Variants in CEP89 observed in about 807,000 individuals in gnomAD.
The protein encoded by CEP89 is centrosomal protein 89.
In CEP89, 95 loss-of-function variants were observed where a neutral mutation model predicts 97.6. That is an observed-to-expected ratio of 0.97 (90% CI 0.82 to 1.15). The LOEUF is 1.15. Ranked by LOEUF, CEP89 falls within the 50% of genes most tolerant of loss-of-function variation. CEP89 has a pLI of 0.00. For synonymous variants in CEP89, 354 were observed against 349.1 expected (o/e 1.01, Z -0.16); for missense variants, 869 against 947.7 (o/e 0.92, Z 1.09).
At chr19:32,918,927 C>T (rs1970190969) in intron 12 of CEP89, among the ~76,000 whole-genome samples, 1 of 145,686 alleles carries the variant, frequency 6.9e-6, no homozygotes, top group Non-Finnish European at 1.5e-5. Flanking sequence ...CTCTGTTGCC[C>T]AGGCTGGAGT....
intron 16 of CEP89, among the ~76,000 whole-genome samples, chr19:32,898,456 G>A (rs944529107): frequency 3.3e-5 from 5 of 152,168 alleles, no homozygotes; most frequent in African/African-American, 1.2e-4. Context: ...ATAGGTATAA[G>A]CATACAGTTA....
At chr19:32,941,094 C>T (rs1251093033) in intron 5 of CEP89, among the ~76,000 whole-genome samples, 1 of 152,034 alleles carries the variant, frequency 6.6e-6, no homozygotes, top group African/African-American at 2.4e-5. Context: ...TATTAATTTG[C>T]AGAGCAGAAA....
At chr19:32,967,863 G>C (rs911195135) in intron 1 of CEP89, among the ~76,000 whole-genome samples, 3 of 152,198 alleles carry the variant, frequency 2.0e-5, no homozygotes, top group African/African-American at 7.2e-5. Context: ...GGGGCTTGGG[G>C]GCATGGTGGG....
chr19:32,921,603 C>G (rs964046716), intron 12 of CEP89, among the ~76,000 whole-genome samples: 1 of 152,196 alleles, frequency 6.6e-6, no homozygotes, highest in Non-Finnish European at 1.5e-5. Context: ...TTTAAGGAAA[C>G]GCAGACAAGT....
chr19:32,926,688 A>C lies in CEP89; in HGVS notation c.1080+246T>G, dbSNP rs557023090. Among the ~76,000 whole-genome samples, 4 of 152,272 alleles carry C rather than the reference A, an allele frequency of 2.6e-5. No individual in the cohort carries two copies. The East Asian group carries it at 7.7e-4, about 29-fold the overall frequency. On this transcript the variant is annotated intron_variant, in intron 10 of 18. Coordinates refer to ENST00000305768, the MANE Select transcript of CEP89 (RefSeq NM_032816.5). ...GCGATTCTCCTGCCTCAGCCTCCCAAGTAGCTGGGACTATAGGCATGCACC... is the reference window on the plus strand; with the variant it reads ...GCGATTCTCCTGCCTCAGCCTCCCACGTAGCTGGGACTATAGGCATGCACC...
intron 13 of CEP89, 31 bp downstream of exon 13, chr19:32,918,193 G>A: frequency 6.7e-7 from 1 of 1,498,086 alleles, no homozygotes; most frequent in Non-Finnish European, 9.3e-7. Context: ...TGACATCAAT[G>A]CATGACCAGT....
At chr19:32,943,569 G>A (rs1415458394) in intron 5 of CEP89, among the ~76,000 whole-genome samples, 2 of 151,878 alleles carry the variant, frequency 1.3e-5, no homozygotes, top group Non-Finnish European at 2.9e-5. Context: ...AGGCTGCAGT[G>A]AGCTATGATC....
intron 13 of CEP89, among the ~76,000 whole-genome samples, chr19:32,916,711 T>C (rs1041845969): frequency 6.6e-6 from 1 of 152,172 alleles, no homozygotes; most frequent in Admixed American, 6.5e-5. Flanking sequence ...CTCTACTCTA[T>C]GAAAATATCT....
chr19:32,931,127 C>A (rs1029839107), intron 9 of CEP89: 11 of 389,502 alleles, frequency 2.8e-5, no homozygotes, highest in African/African-American at 2.1e-4. Flanking sequence ...AGAGCTCAAG[C>A]AATTCTCCCG....
chr19:32,901,866 C>T (rs1416579732), intron 14 of CEP89, among the ~76,000 whole-genome samples: 1 of 152,158 alleles, frequency 6.6e-6, no homozygotes, highest in Non-Finnish European at 1.5e-5. Context: ...CTCAAGTGAT[C>T]CTCCTGCCTT....
chr19:32,947,803 C>A (rs1970827566), intron 5 of CEP89, among the ~76,000 whole-genome samples: 1 of 152,122 alleles, frequency 6.6e-6, no homozygotes, highest in Non-Finnish European at 1.5e-5. Context: ...GCCACCACAC[C>A]CAGCCTTATT....
intron 14 of CEP89, among the ~76,000 whole-genome samples, chr19:32,906,779 T>C (rs1046296820): frequency 2.0e-5 from 3 of 150,190 alleles, no homozygotes; most frequent in Non-Finnish European, 4.4e-5. Context: ...AATATATATA[T>C]AAACAACATC....
At chr19:32,949,357 A>C (rs895828013) in intron 4 of CEP89, among the ~76,000 whole-genome samples, 1 of 151,912 alleles carries the variant, frequency 6.6e-6, no homozygotes, top group African/African-American at 2.4e-5. Context: ...GCTGCCTAAG[A>C]GGAAGAGAAA....
chr19:32,880,852 G>A (rs952479402), intron 18 of CEP89, among the ~76,000 whole-genome samples: 1 of 152,182 alleles, frequency 6.6e-6, no homozygotes, highest in African/African-American at 2.4e-5. Context: ...GATGTTTGTA[G>A]ACTGAGAGAT....
intron 4 of CEP89, among the ~76,000 whole-genome samples, chr19:32,952,589 C>T (rs1277719057): frequency 6.6e-6 from 1 of 151,716 alleles, no homozygotes; most frequent in African/African-American, 2.4e-5. Flanking sequence ...CTATGAATAA[C>T]ACATTATAAT....
intron 4 of CEP89, among the ~76,000 whole-genome samples, chr19:32,950,013 C>T (rs947905128): frequency 6.6e-6 from 1 of 150,648 alleles, no homozygotes; most frequent in Non-Finnish European, 1.5e-5. Flanking sequence ...AAGTAAATGG[C>T]CCCGTACTTT....
chr19:32,886,104 C>T (rs1969389169), intron 17 of CEP89, among the ~76,000 whole-genome samples: 1 of 152,206 alleles, frequency 6.6e-6, no homozygotes. Flanking sequence ...CTCCTGAAGT[C>T]CTGTCTCTCC....
chr19:32,913,969 T>C (rs1346396979), intron 14 of CEP89, among the ~76,000 whole-genome samples: 1 of 152,064 alleles, frequency 6.6e-6, no homozygotes, highest in East Asian at 1.9e-4. Context: ...AAAATTGTAA[T>C]CATTTTCTAT....
At chr19:32,905,410 GTAAGACTGAAAT>G (rs1004569149) in intron 14 of CEP89, among the ~76,000 whole-genome samples, 2 of 152,076 alleles carry the variant, frequency 1.3e-5, no homozygotes, top group African/African-American at 4.8e-5. Context: ...AAAGGTTTAT[GTAAGACTGAAAT>G]TATTTCTTCC....
Sources: allele counts gnomAD v4.1 joint callset (sites outside exome capture counted in the v4.1 genomes callset), GRCh38; gene constraint gnomAD v4.1.1; transcripts MANE v1.5; gene names NCBI Gene and HGNC (gene_info 2026-07-23, HGNC 2026-07-21).